Variants in MAGI3 observed in about 807,000 individuals in gnomAD.
MAGI3 encodes membrane-associated guanylate kinase, WW and PDZ domain-containing protein 3.
A neutral mutation model predicts 121.8 loss-of-function variants in MAGI3; 43 were observed. The observed-to-expected ratio is 0.35, with a 90% CI of 0.28 to 0.46. The LOEUF (loss-of-function observed/expected upper bound fraction) is 0.46, where lower values mean the gene tolerates loss of function less well. MAGI3 is among the 20% of genes least tolerant of loss of function. The pLI, the probability that MAGI3 is intolerant of heterozygous loss-of-function variation, is 1.00. For synonymous variants in MAGI3, 553 were observed against 639.3 expected (o/e 0.86, Z 2.04); for missense variants, 1,547 against 1,797.3 (o/e 0.86, Z 2.52).
chr1:113,579,166 C>G (rs1022189678), intron 2 of MAGI3, among the ~76,000 whole-genome samples: 1 of 152,102 alleles, frequency 6.6e-6, no homozygotes, highest in Non-Finnish European at 1.5e-5. Flanking sequence ...TGCACTGTGT[C>G]AAGACTTGGG....
intron 1 of MAGI3, among the ~76,000 whole-genome samples, chr1:113,486,651 C>CTTTTT (rs767164528): frequency 1.2e-4 from 15 of 124,016 alleles, no homozygotes; most frequent in Non-Finnish European, 2.4e-4. Context: ...TCTTCAAAGT[C>CTTTTT]TTTTTTTTTT....
chr1:113,526,880 G>A (rs540658965), intron 1 of MAGI3, among the ~76,000 whole-genome samples: 1 of 152,284 alleles, frequency 6.6e-6, no homozygotes, highest in East Asian at 1.9e-4. Context: ...GAAAAAGACT[G>A]TAGAGCCCAG....
intron 1 of MAGI3, among the ~76,000 whole-genome samples, chr1:113,535,404 A>G (rs75174144): frequency 6.6e-6 from 1 of 152,150 alleles, no homozygotes; most frequent in Non-Finnish European, 1.5e-5. Flanking sequence ...TTGCATACAC[A>G]TATAAGAAAC....
At chr1:113,584,303 T>C (rs1648224919) in intron 3 of MAGI3, among the ~76,000 whole-genome samples, 1 of 152,190 alleles carries the variant, frequency 6.6e-6, no homozygotes, top group South Asian at 2.1e-4. Flanking sequence ...TGCTTTCCCA[T>C]ATTATTTGGC....
chr1:113,602,532 C>T (rs1294599232), intron 6 of MAGI3, among the ~76,000 whole-genome samples: 3 of 152,116 alleles, frequency 2.0e-5, no homozygotes, highest in African/African-American at 2.4e-5. Flanking sequence ...AAATTGACAA[C>T]GTAATGTCAC....
At chr1:113,672,763 T>A in intron 18 of MAGI3, 22 bp downstream of exon 18, 1 of 1,596,088 alleles carries the variant, frequency 6.3e-7, no homozygotes, top group East Asian at 2.3e-5. Flanking sequence ...TTTCCCCAGA[T>A]GGGGAGTGAT....
At chr1:113,679,395 T>C (rs925531677) in intron 19 of MAGI3, among the ~76,000 whole-genome samples, 2 of 152,212 alleles carry the variant, frequency 1.3e-5, no homozygotes, top group Admixed American at 6.5e-5. Flanking sequence ...AGGATAATGA[T>C]GGCCTCCAGC....
At chr1:113,606,990 C>T (rs1008001074) in intron 6 of MAGI3, among the ~76,000 whole-genome samples, 2 of 152,084 alleles carry the variant, frequency 1.3e-5, no homozygotes, top group Non-Finnish European at 2.9e-5. Context: ...TTCATTTATT[C>T]TTTCTCTATC....
intron 3 of MAGI3, among the ~76,000 whole-genome samples, chr1:113,581,792 C>CCATGACTCATTCATTTGTT (rs1553202338): frequency 1.3e-5 from 2 of 152,228 alleles, no homozygotes; most frequent in East Asian, 3.9e-4. Context: ...GGCTTAGCGC[C>CCATGACTCATTCATTTGTT]CATGACTCAT....
chr1:113,565,010 C>G (rs953350542), intron 2 of MAGI3, among the ~76,000 whole-genome samples: 3 of 151,788 alleles, frequency 2.0e-5, no homozygotes, highest in African/African-American at 7.3e-5. Flanking sequence ...CCACCATGCC[C>G]TGCAAATTTT....
At chr1:113,628,695 G>T (rs1170400559) in intron 9 of MAGI3, among the ~76,000 whole-genome samples, 1 of 152,088 alleles carries the variant, frequency 6.6e-6, no homozygotes, top group East Asian at 1.9e-4. Flanking sequence ...CACTATTATA[G>T]AGTAAAAGGT....
chr1:113,455,124 A>G lies in MAGI3; in HGVS notation c.316+63775A>G, dbSNP rs1278146376. ...CTGGAGGAAGGAAATAATAAAAATG[A>G]CATAGAAATACAGTAGGATAAATTC... On this transcript the variant is annotated intron_variant, in intron 1 of 20. Coordinates refer to ENST00000307546, the MANE Select transcript of MAGI3 (RefSeq NM_001142782.2). 2.0e-5 allele frequency among the ~76,000 whole-genome samples: 3 copies of G among 152,186 alleles called. No homozygotes were observed. In the East Asian group the frequency reaches 5.8e-4, roughly 29 times the overall value.
chr1:113,582,989 AT>A (rs1648130868), intron 3 of MAGI3, among the ~76,000 whole-genome samples: 1 of 151,748 alleles, frequency 6.6e-6, no homozygotes, highest in Non-Finnish European at 1.5e-5. Flanking sequence ...CCTTCAGAAA[AT>A]AAAAAAAACT....
At chr1:113,594,605 C>A (rs758030388) in intron 6 of MAGI3, 45 bp downstream of exon 6, 1 of 1,490,528 alleles carries the variant, frequency 6.7e-7, no homozygotes, top group Non-Finnish European at 9.2e-7. Flanking sequence ...TCTCTTAATC[C>A]TTTCTTGCTC....
At chr1:113,509,664 T>C (rs1221844850) in intron 1 of MAGI3, among the ~76,000 whole-genome samples, 10 of 119,756 alleles carry the variant, frequency 8.4e-5, no homozygotes, top group Non-Finnish European at 1.7e-4. Flanking sequence ...TTTAAAAAAA[T>C]AGTATGCTGA....
At chr1:113,601,824 A>G (rs1014511840) in intron 6 of MAGI3, among the ~76,000 whole-genome samples, 1 of 145,408 alleles carries the variant, frequency 6.9e-6, no homozygotes. Context: ...AACCAACCCA[A>G]ATGTCCAACA....
chr1:113,392,746 A>G (rs1650894705), intron 1 of MAGI3, among the ~76,000 whole-genome samples: 1 of 152,168 alleles, frequency 6.6e-6, no homozygotes, highest in South Asian at 2.1e-4. Flanking sequence ...CTTTTTCTGT[A>G]TAGTTTTGAG....
At chr1:113,564,522 T>G (rs1324313789) in intron 2 of MAGI3, among the ~76,000 whole-genome samples, 2 of 152,124 alleles carry the variant, frequency 1.3e-5, no homozygotes, top group Admixed American at 1.3e-4. Flanking sequence ...TAAGATTTTG[T>G]TACTATTTTT....
intron 16 of MAGI3, among the ~76,000 whole-genome samples, chr1:113,660,609 GC>G (rs1352267265): frequency 8.1e-6 from 1 of 124,144 alleles, no homozygotes; most frequent in Non-Finnish European, 1.6e-5. Flanking sequence ...GATACTAGAT[GC>G]TCAGCATTTT....
Sources: gnomAD v4.1 joint callset for allele counts (sites outside exome capture counted in the v4.1 genomes callset) on GRCh38, gnomAD v4.1.1 for gene constraint, MANE v1.5 for transcripts, NCBI Gene and HGNC (gene_info 2026-07-23, HGNC 2026-07-21) for gene names.